The following DLG2 variants were observed in gnomAD, a reference collection of about 807,000 sequenced individuals.
DLG2 encodes disks large homolog 2.
A neutral mutation model predicts 132.5 loss-of-function variants in DLG2; 45 were observed. The ratio of observed to expected loss-of-function variants is 0.34; its 90% confidence interval spans 0.27 to 0.44. The LOEUF is 0.44. Among genes scored for constraint, DLG2 ranks in the 20% least tolerant of loss-of-function variants. The pLI, the probability that DLG2 is intolerant of heterozygous loss-of-function variation, is 1.00. For missense variants in DLG2, 1,045 were observed against 1,196.9 expected, an observed-to-expected ratio of 0.87 and a Z score of 1.87; for synonymous variants, 424 against 419.6, an observed-to-expected ratio of 1.01 and a Z score of -0.13.
chr11:84,215,796 C>A (rs1036107952), intron 8 of DLG2, among the ~76,000 whole-genome samples: 1 of 152,090 alleles, frequency 6.6e-6, no homozygotes, highest in Non-Finnish European at 1.5e-5. Context: ...TGGTCATGAA[C>A]AGGTCATTTT....
intron 7 of DLG2, among the ~76,000 whole-genome samples, chr11:84,340,866 C>T (rs1479773609): frequency 6.6e-6 from 1 of 152,070 alleles, no homozygotes; most frequent in Non-Finnish European, 1.5e-5. Context: ...AGCATTATGG[C>T]TCCATGAGAG....
intron 3 of DLG2, among the ~76,000 whole-genome samples, chr11:85,457,431 A>G (rs1363178902): frequency 6.6e-6 from 1 of 152,144 alleles, no homozygotes; most frequent in Admixed American, 6.5e-5. Flanking sequence ...AATTTAGCCC[A>G]TTCATATTCA....
intron 5 of DLG2, among the ~76,000 whole-genome samples, chr11:85,119,597 A>AT (rs995574278): frequency 6.6e-6 from 1 of 152,026 alleles, no homozygotes; most frequent in Non-Finnish European, 1.5e-5. Context: ...GAAAATAAAT[A>AT]TTTTTTCATT....
chr11:83,789,874 G>A lies in DLG2; in HGVS notation c.1723-3082C>T, dbSNP rs977411676. ...TTATACATAAAAGTGAAATAGTTAT[G>A]GCAGCAAAAGATTTTGATGGCAATG... is the stretch of plus-strand genomic sequence containing the variant. On this transcript the variant is annotated intron_variant, in intron 17 of 27. Transcript: ENST00000376104. 3 of 546,252 alleles carry A rather than the reference G, an allele frequency of 5.5e-6. No individual in the cohort carries two copies. The African/African-American group carries it at 6.0e-5, about 11-fold the overall frequency. 33.8% of individuals were successfully genotyped at this position (546,252 alleles called of 1,614,324 possible).
chr11:83,682,389 G>C (rs2153600353), intron 18 of DLG2: 1 of 985,350 alleles, frequency 1.0e-6, no homozygotes, highest in Non-Finnish European at 1.2e-6. Context: ...CGCTCACTGG[G>C]TACATATATT....
At chr11:85,198,528 A>G (rs2081226940) in intron 4 of DLG2, among the ~76,000 whole-genome samples, 1 of 152,186 alleles carries the variant, frequency 6.6e-6, no homozygotes, top group African/African-American at 2.4e-5. Context: ...ACATTATAGA[A>G]TTATAGAATT....
At chr11:85,095,898 G>A (rs1227843) in intron 6 of DLG2, among the ~76,000 whole-genome samples, 106,468 of 151,818 alleles carry the variant, frequency 0.7, 38,415 homozygotes, top group East Asian at 0.93. Context: ...TTCTTCACCA[G>A]CACCCTCATT....
chr11:84,027,896 TTTGA>T (rs1332040084), intron 11 of DLG2, among the ~76,000 whole-genome samples: 3 of 152,090 alleles, frequency 2.0e-5, no homozygotes. Context: ...TGTTTGTATA[TTTGA>T]TTTTGTTTCT....
rs1265079110 is a variant in DLG2, at chr11:84,952,496, G to T, written c.357+159165C>A. Among the ~76,000 whole-genome samples the T allele has an allele frequency of 2.0e-5, 3 of 151,114 alleles. No individual in the cohort carries two copies. The East Asian group carries it at 5.9e-4, about 30-fold the overall frequency. ...CGCGCCACAGCACTCCCGCCTGGGC[G>T]ACAGAACGAGACTCCGTCTCAAAAA... is the stretch of plus-strand genomic sequence containing the variant. On this transcript the variant is annotated intron_variant, in intron 6 of 27. Transcript: ENST00000376104.
chr11:84,348,134 T>C (rs973296037), intron 7 of DLG2, among the ~76,000 whole-genome samples: 1 of 152,192 alleles, frequency 6.6e-6, no homozygotes, highest in Non-Finnish European at 1.5e-5. Context: ...TTATTACTTA[T>C]CATTCTTATC....
chr11:85,590,049 T>C (rs1356309918), intron 3 of DLG2, among the ~76,000 whole-genome samples: 3 of 152,192 alleles, frequency 2.0e-5, no homozygotes, highest in African/African-American at 7.2e-5. Context: ...TTCAAAGGAC[T>C]CATCACAATT....
At chr11:84,104,949 C>G (rs1035643605) in intron 9 of DLG2, among the ~76,000 whole-genome samples, 7 of 151,884 alleles carry the variant, frequency 4.6e-5, no homozygotes, top group Admixed American at 3.9e-4. Flanking sequence ...AAACAACAAG[C>G]AAACAAACAA....
chr11:85,270,735 T>C (rs1162407816), intron 4 of DLG2, among the ~76,000 whole-genome samples: 1 of 152,200 alleles, frequency 6.6e-6, no homozygotes, highest in Admixed American at 6.5e-5. Context: ...ACTCTTGTTA[T>C]GGTTTAGCAA....
chr11:84,492,771 T>C (rs956324852), intron 7 of DLG2, among the ~76,000 whole-genome samples: 3 of 152,144 alleles, frequency 2.0e-5, no homozygotes, highest in Non-Finnish European at 4.4e-5. Context: ...TCAAGAAGTG[T>C]AGCAGGCTTG....
At chr11:84,499,372 A>G (rs939559054) in intron 7 of DLG2, among the ~76,000 whole-genome samples, 4 of 152,206 alleles carry the variant, frequency 2.6e-5, no homozygotes, top group African/African-American at 9.6e-5. Flanking sequence ...TAGTAGCTCA[A>G]ATTTGCACAG....
At chr11:84,591,948 G>C (rs1391193898) in intron 6 of DLG2, among the ~76,000 whole-genome samples, 1 of 152,086 alleles carries the variant, frequency 6.6e-6, no homozygotes, top group Non-Finnish European at 1.5e-5. Context: ...CTGCTTCCTG[G>C]GTTTAAGCCA....
At chr11:83,809,703 T>A (rs932032191) in intron 17 of DLG2, among the ~76,000 whole-genome samples, 5 of 152,174 alleles carry the variant, frequency 3.3e-5, no homozygotes, top group African/African-American at 1.2e-4. Context: ...CCTCCATTTC[T>A]TACCCATCCT....
chr11:85,069,158 G>A (rs891292006), intron 6 of DLG2, among the ~76,000 whole-genome samples: 3 of 150,868 alleles, frequency 2.0e-5, no homozygotes, highest in Non-Finnish European at 2.9e-5. Flanking sequence ...AATTCAAGAT[G>A]GATTAAAGAC....
At chr11:84,836,049 TCA>T (rs2079719666) in intron 6 of DLG2, among the ~76,000 whole-genome samples, 1 of 151,768 alleles carries the variant, frequency 6.6e-6, no homozygotes, top group Non-Finnish European at 1.5e-5. Flanking sequence ...ATTCCACCTC[TCA>T]GTGTTTGCTT....
Sources: gnomAD v4.1 joint callset for allele counts (sites outside exome capture counted in the v4.1 genomes callset) on GRCh38, gnomAD v4.1.1 for gene constraint, MANE v1.5 for transcripts, NCBI Gene and HGNC (gene_info 2026-07-23, HGNC 2026-07-21) for gene names.